Variants in PID1 observed in about 807,000 individuals in gnomAD.
PID1 encodes PTB-containing, cubilin and LRP1-interacting protein.
PID1 carries 10 observed loss-of-function variants against 19.1 expected under a neutral mutation model. That is an observed-to-expected ratio of 0.52 (90% CI 0.32 to 0.89). PID1 has a LOEUF of 0.89. PID1 is among the 40% of genes least tolerant of loss of function. PID1 has a pLI of 0.03. For synonymous variants in PID1, 130 were observed against 116.0 expected (o/e 1.12, Z -0.78); for missense variants, 248 against 285.3 (o/e 0.87, Z 0.94).
At chr2:229,067,132 C>T (rs543978737) in intron 2 of PID1, among the ~76,000 whole-genome samples, 1 of 151,892 alleles carries the variant, frequency 6.6e-6, no homozygotes, top group Non-Finnish European at 1.5e-5. Flanking sequence ...AAGTGCCGAG[C>T]AAAAAGGGGA....
chr2:229,051,671 A>T (rs1693999368), intron 2 of PID1, among the ~76,000 whole-genome samples: 1 of 152,170 alleles, frequency 6.6e-6, no homozygotes, highest in Non-Finnish European at 1.5e-5. Context: ...ACCATTACAT[A>T]ACAAAGTAAC....
intron 1 of PID1, among the ~76,000 whole-genome samples, chr2:229,156,258 G>A (rs1419218389): frequency 6.6e-6 from 1 of 152,210 alleles, no homozygotes; most frequent in Non-Finnish European, 1.5e-5. Flanking sequence ...ACTGTATACA[G>A]ATGAAATTGT....
At chr2:229,106,520 A>T (rs1262860420) in intron 2 of PID1, among the ~76,000 whole-genome samples, 1 of 152,166 alleles carries the variant, frequency 6.6e-6, no homozygotes, top group African/African-American at 2.4e-5. Flanking sequence ...TCTTTAGGAG[A>T]CAATTAGGTC....
rs1693361107 is a variant in PID1 at position 229,024,212 on chromosome 2, C to A, written c.*1420G>T. On this transcript the variant is annotated 3_prime_UTR_variant, in exon 3 of 3. Coordinates refer to ENST00000392055, the MANE Select transcript of PID1 (RefSeq NM_001100818.2). Reference sequence around the variant, plus strand: ...ACAGATATGCAGACCGAAATGCTGACACCATCGCTCTCTAGATTGGATTAG... The same window carrying A: ...ACAGATATGCAGACCGAAATGCTGAAACCATCGCTCTCTAGATTGGATTAG... 1 of 152,610 alleles carries A rather than the reference C, an allele frequency of 6.6e-6. No homozygotes were observed. The highest frequency in any genetic ancestry group is 1.5e-5 in the Non-Finnish European group (1 of 68,048). 9.5% of individuals were successfully genotyped at this position (152,610 alleles called of 1,614,324 possible).
At chr2:229,111,092 C>A (rs1187554797) in intron 2 of PID1, among the ~76,000 whole-genome samples, 3 of 152,174 alleles carry the variant, frequency 2.0e-5, no homozygotes, top group African/African-American at 7.2e-5. Context: ...TTATCTGCTG[C>A]CATGGAAGAC....
chr2:229,171,799 A>G (rs1690716505), intron 1 of PID1, among the ~76,000 whole-genome samples: 1 of 152,202 alleles, frequency 6.6e-6, no homozygotes, highest in South Asian at 2.1e-4. Flanking sequence ...TACTGTTCAC[A>G]TCTTGCCTCA....
intron 2 of PID1, among the ~76,000 whole-genome samples, chr2:229,118,875 G>T (rs1399508657): frequency 6.6e-6 from 1 of 152,128 alleles, no homozygotes; most frequent in Non-Finnish European, 1.5e-5. Flanking sequence ...ATCTTGACCA[G>T]TATAACTACG....
At chr2:229,125,693 T>C (rs927273680) in intron 2 of PID1, among the ~76,000 whole-genome samples, 2 of 152,206 alleles carry the variant, frequency 1.3e-5, no homozygotes, top group African/African-American at 4.8e-5. Context: ...AAGATGAGGA[T>C]ACACGGTTTT....
At chr2:229,156,862 T>C (rs1690383320) in intron 1 of PID1, among the ~76,000 whole-genome samples, 1 of 152,178 alleles carries the variant, frequency 6.6e-6, no homozygotes, top group South Asian at 2.1e-4. Context: ...CATCCTCTCA[T>C]GTAGGGGTCC....
In PID1 at chr2:229,025,489, T is replaced by G; in HGVS notation, c.*143A>C. 1 of 672,320 alleles carries G rather than the reference T, an allele frequency of 1.5e-6. No individual in the cohort carries two copies. The highest frequency in any genetic ancestry group is 2.7e-6 in the Non-Finnish European group (1 of 375,816). 41.6% of individuals were successfully genotyped at this position (672,320 alleles called of 1,614,324 possible). On this transcript the variant is annotated 3_prime_UTR_variant, in exon 3 of 3. Coordinates refer to ENST00000392055, the MANE Select transcript of PID1 (RefSeq NM_001100818.2). ...CTTTAATGATACATTTCTTTAGATTTAGAATTGCTCTTCTGAATTTAAAAA... is the reference window on the plus strand; with the variant it reads ...CTTTAATGATACATTTCTTTAGATTGAGAATTGCTCTTCTGAATTTAAAAA...
rs909726141 is a variant in PID1, at chr2:229,158,606, T to TA, written c.31-2643dup. On this transcript the variant is annotated intron_variant, in intron 1 of 2. Coordinates refer to ENST00000392055, the MANE Select transcript of PID1 (RefSeq NM_001100818.2). ...ATTTTAAAAAACAAACCACAAATAT[T>TA]AAAAAAAAAAAGAAAACTAAATCAG... 6.7e-3 allele frequency among the ~76,000 whole-genome samples: 976 copies of TA among 145,158 alleles called. 11 individuals are homozygous for TA. The highest frequency in any genetic ancestry group is 0.016 in the African/African-American group (616 of 39,488).
chr2:229,099,116 C>T (rs1343090541), intron 2 of PID1, among the ~76,000 whole-genome samples: 1 of 152,136 alleles, frequency 6.6e-6, no homozygotes, highest in Non-Finnish European at 1.5e-5. Flanking sequence ...GTCTTTCAAC[C>T]ACTGACAGGA....
At chr2:229,063,103 T>C (rs183244801) in intron 2 of PID1, among the ~76,000 whole-genome samples, 1 of 152,230 alleles carries the variant, frequency 6.6e-6, no homozygotes, top group East Asian at 1.9e-4. Context: ...CTATTGTCTG[T>C]CTAATATCTA....
At chr2:229,220,620 C>A (rs1271588236) in intron 1 of PID1, among the ~76,000 whole-genome samples, 1 of 152,132 alleles carries the variant, frequency 6.6e-6, no homozygotes, top group African/African-American at 2.4e-5. Context: ...TGAGTTCAGT[C>A]GGCCCCCCTG....
chr2:229,216,076 G>C (rs770076648), intron 1 of PID1, among the ~76,000 whole-genome samples: 1 of 152,138 alleles, frequency 6.6e-6, no homozygotes, highest in Non-Finnish European at 1.5e-5. Flanking sequence ...AGCCTTCCTG[G>C]CTTGATAGCC....
At chr2:229,152,865 T>C (rs1437952050) in intron 2 of PID1, among the ~76,000 whole-genome samples, 1 of 152,082 alleles carries the variant, frequency 6.6e-6, no homozygotes, top group African/African-American at 2.4e-5. Flanking sequence ...CTCCTGCCTC[T>C]TTCCCTCCCC....
intron 2 of PID1, among the ~76,000 whole-genome samples, chr2:229,108,833 TA>T (rs1257851664): frequency 2.0e-5 from 3 of 151,834 alleles, no homozygotes; most frequent in African/African-American, 7.2e-5. Flanking sequence ...CTGAGAAGAA[TA>T]AAAAAAAGTG....
intron 2 of PID1, among the ~76,000 whole-genome samples, chr2:229,054,703 A>AGTGTGTGT (rs149214177): frequency 0.018 from 785 of 44,122 alleles, 64 homozygotes; most frequent in East Asian, 0.078. Flanking sequence ...ACAGTAATGC[A>AGTGTGTGT]GTGTGTGTGT....
intron 1 of PID1, among the ~76,000 whole-genome samples, chr2:229,242,168 G>A (rs1559299970): frequency 6.6e-6 from 1 of 152,020 alleles, no homozygotes; most frequent in Non-Finnish European, 1.5e-5. Flanking sequence ...CACCATGCCT[G>A]GCTAGTAAAT....
Sources: allele counts gnomAD v4.1 joint callset (sites outside exome capture counted in the v4.1 genomes callset), GRCh38; gene constraint gnomAD v4.1.1; transcripts MANE v1.5; gene names NCBI Gene and HGNC (gene_info 2026-07-23, HGNC 2026-07-21).